CAPN14: variants seen among roughly 807,000 people sequenced by gnomAD.
The protein encoded by CAPN14 is calpain-14.
In CAPN14, 94 loss-of-function variants were observed where a neutral mutation model predicts 101.3. The ratio of observed to expected loss-of-function variants is 0.93; its 90% CI spans 0.79 to 1.10. The LOEUF is 1.10. CAPN14 is among the 50% of genes least tolerant of loss of function. CAPN14 has a pLI of 0.00. For missense variants in CAPN14, 837 were observed against 828.4 expected (o/e 1.01, Z -0.13); for synonymous variants, 338 against 317.9 (o/e 1.06, Z -0.67).
Position 31,201,026 on chromosome 2 carries a change from T to A in CAPN14, c.552-401A>T, listed in dbSNP as rs185909500. On this transcript the variant is annotated intron_variant, in intron 5 of 21. Transcript: ENST00000403897. ...AACACCCTGGACTCAAGAAAAGGCA[T>A]GTGTCCACCACAGGTCCATTTTCTC... Among the ~76,000 whole-genome samples, 6 of 152,258 alleles carry A rather than the reference T, an allele frequency of 3.9e-5. No individual in the cohort carries two copies. In the East Asian group the frequency reaches 1.2e-3, roughly 30 times the overall value.
intron 2 of CAPN14, 70 bp downstream of exon 2, chr2:31,205,153 T>C: frequency 7.4e-7 from 1 of 1,345,482 alleles, no homozygotes; most frequent in Non-Finnish European, 1.0e-6. Flanking sequence ...CTCCCATATA[T>C]CTTAGGCGCA....
chr2:31,206,517 T>G (rs552563861), intron 1 of CAPN14, among the ~76,000 whole-genome samples: 3 of 152,326 alleles, frequency 2.0e-5, no homozygotes, highest in Admixed American at 2.0e-4. Flanking sequence ...CCTCCCAAAG[T>G]GTTGAGAGAT....
At position 31,202,010 on chromosome 2, in the gene CAPN14, G is replaced by C. The variant is rs900757508; in HGVS notation, c.415-12C>G. 19 of 1,551,338 alleles carry C rather than the reference G, an allele frequency of 1.2e-5. No individual in the cohort carries two copies. Among genetic ancestry groups the C allele is most frequent in the Non-Finnish European group, 1.5e-5 (17 of 1,146,788 alleles). On this transcript the variant is annotated splice_polypyrimidine_tract_variant and intron_variant, in intron 4 of 21. Coordinates refer to ENST00000403897, the MANE Select transcript of CAPN14 (RefSeq NM_001145122.2). ...CCATAGTGCCAGAACTGGAGGGAGA[G>C]AGTGGCCCCGGGTGAATGAGGACTG...
rs571119228 is a variant in CAPN14, at chr2:31,174,642, T to C, written c.*39A>G. Reference sequence around the variant, plus strand: ...AGCCAAAGGCTGCTCTTGGGCCACATGCAGAGTCTTCAGTGAGGGCAGGTG... The same window carrying C: ...AGCCAAAGGCTGCTCTTGGGCCACACGCAGAGTCTTCAGTGAGGGCAGGTG... On this transcript the variant is annotated 3_prime_UTR_variant, in exon 22 of 22. Transcript: ENST00000403897. 1 of 1,550,564 alleles carries C rather than the reference T, an allele frequency of 6.4e-7. No individual in the cohort carries two copies. Among genetic ancestry groups the C allele is most frequent in the Non-Finnish European group, 8.7e-7 (1 of 1,146,272 alleles).
intron 19 of CAPN14, among the ~76,000 whole-genome samples, chr2:31,177,537 A>C (rs1680365804): frequency 6.6e-6 from 1 of 152,246 alleles, no homozygotes; most frequent in African/African-American, 2.4e-5. Context: ...AGATTAAATA[A>C]GAAGTTGAAT....
At chr2:31,201,158 CGTAT>C (rs1681750108) in intron 5 of CAPN14, among the ~76,000 whole-genome samples, 3 of 139,518 alleles carry the variant, frequency 2.2e-5, no homozygotes, top group African/African-American at 5.4e-5. Flanking sequence ...TGTGCATGTG[CGTAT>C]GTGTGTGCGT....
At chr2:31,191,724 T>C (rs1325728278) in intron 11 of CAPN14, among the ~76,000 whole-genome samples, 1 of 152,236 alleles carries the variant, frequency 6.6e-6, no homozygotes, top group Non-Finnish European at 1.5e-5. Context: ...ATTCTACCCT[T>C]TGCCTAAATA....
intron 1 of CAPN14, among the ~76,000 whole-genome samples, chr2:31,227,394 CA>C (rs113129454): frequency 0.2 from 31,061 of 152,096 alleles, 3,624 homozygotes; most frequent in East Asian, 0.46. Flanking sequence ...TAGACTCAGA[CA>C]GACCCTCTTT....
Position 31,199,383 on chromosome 2 carries a change from C to A in CAPN14, c.789+87G>T. 3.4e-6 allele frequency: 4 copies of A among 1,167,334 alleles called. No individual in the cohort carries two copies. In the South Asian group the frequency reaches 5.3e-5, roughly 15 times the overall value. The allele number at this position is 1,167,334 out of a possible 1,614,324, so 72.3% of individuals were successfully genotyped here. A position where few individuals can be genotyped will look rare whatever the true frequency, so the allele number is the denominator to read the frequency against. ...GACTTTACCCACTCTCCAGATGGTACAGAAACTAAATCCACCAAGATAAGC... is the reference window on the plus strand; with the variant it reads ...GACTTTACCCACTCTCCAGATGGTAAAGAAACTAAATCCACCAAGATAAGC... On this transcript the variant is annotated intron_variant, in intron 7 of 21. Transcript: ENST00000403897.
Position 31,189,737 on chromosome 2 carries a change from A to G in CAPN14, c.1288-259T>C, listed in dbSNP as rs73921575. The G allele has an allele frequency of 1.4e-3, 816 of 567,388 alleles. 6 individuals carry two copies. The highest frequency in any genetic ancestry group is 0.013 in the African/African-American group (688 of 54,170). The allele number at this position is 567,388 out of a possible 1,614,324, so 35.1% of individuals were successfully genotyped here. On this transcript the variant is annotated intron_variant, in intron 12 of 21. Transcript: ENST00000403897. ...TTTGACTTACCTTAAAAACAACACCAGCACTAAATGATGTGAGGAATGTCC... is the reference window on the plus strand; with the variant it reads ...TTTGACTTACCTTAAAAACAACACCGGCACTAAATGATGTGAGGAATGTCC...
At chr2:31,187,924 C>T (rs548538551) in intron 14 of CAPN14, 110 bp from the exon 15 acceptor site, 1 of 859,624 alleles carries the variant, frequency 1.2e-6, no homozygotes, top group Non-Finnish European at 1.8e-6. Flanking sequence ...ATGAGCTTGA[C>T]TTTGCATCGT....
intron 5 of CAPN14, among the ~76,000 whole-genome samples, chr2:31,201,659 T>C (rs1421718320): frequency 6.6e-6 from 1 of 152,122 alleles, no homozygotes; most frequent in Non-Finnish European, 1.5e-5. Flanking sequence ...TTCTATCCAT[T>C]AGGGAAAGGC....
chr2:31,233,083 G>A (rs1348000874), intron 1 of CAPN14, among the ~76,000 whole-genome samples: 2 of 152,184 alleles, frequency 1.3e-5, no homozygotes, highest in East Asian at 3.9e-4. Context: ...TTAGTATGAT[G>A]CTGGAGATAA....
At chr2:31,222,961 G>A (rs1682903705) in intron 2 of CAPN14, among the ~76,000 whole-genome samples, 1 of 152,174 alleles carries the variant, frequency 6.6e-6, no homozygotes, top group South Asian at 2.1e-4. Flanking sequence ...AGGGACCCCA[G>A]AGAACTCTCC....
At chr2:31,212,429 C>T (rs1369830124) in intron 1 of CAPN14, among the ~76,000 whole-genome samples, 1 of 151,940 alleles carries the variant, frequency 6.6e-6, no homozygotes, top group African/African-American at 2.4e-5. Flanking sequence ...ACCAGGGGAT[C>T]TGTCTGATTC....
At position 31,189,359 on chromosome 2, in the gene CAPN14, C is replaced by T; in HGVS notation, c.1407G>A (p.Gly469=). ...ATATGCAGGGCACGATGAGGTACGTCCCTGGTTCCAGACACAGCTCCTGAC... is the reference window on the plus strand; with the variant it reads ...ATATGCAGGGCACGATGAGGTACGTTCCTGGTTCCAGACACAGCTCCTGAC... The part of the protein sequence containing the change: ...EVSQELCLEP[G]TYLIVPCILE... The change falls in exon 13 of 22, where the codon GGG becomes GGA. Residue 469 remains glycine (G), a synonymous_variant. Coordinates refer to ENST00000403897, the MANE Select transcript of CAPN14 (RefSeq NM_001145122.2). 1 of 1,551,746 alleles carries T rather than the reference C, an allele frequency of 6.4e-7. No homozygotes were observed. Among genetic ancestry groups the T allele is most frequent in the Non-Finnish European group, 8.7e-7 (1 of 1,147,008 alleles).
At chr2:31,177,206 A>G (rs1680348273) in intron 19 of CAPN14, 64 bp from the exon 20 acceptor site, 1 of 1,109,594 alleles carries the variant, frequency 9.0e-7, no homozygotes, top group African/African-American at 1.6e-5. Flanking sequence ...CCTCCTGCTC[A>G]AGGCCCCTTC....
intron 8 of CAPN14, 81 bp downstream of exon 8, chr2:31,197,168 C>T (rs376972475): frequency 5.4e-6 from 5 of 924,284 alleles, no homozygotes; most frequent in Admixed American, 2.1e-5. Flanking sequence ...AGAAAGCACA[C>T]ATTTGAATCT....
intron 1 of CAPN14, among the ~76,000 whole-genome samples, chr2:31,231,895 G>C (rs781571605): frequency 5.3e-5 from 8 of 152,178 alleles, no homozygotes; most frequent in Non-Finnish European, 7.3e-5. Flanking sequence ...CATGCCTTGT[G>C]AGTTGTTAAA....
Sources: allele counts gnomAD v4.1 joint callset (sites outside exome capture counted in the v4.1 genomes callset), GRCh38; gene constraint gnomAD v4.1.1; transcripts MANE v1.5; gene names NCBI Gene and HGNC (gene_info 2026-07-23, HGNC 2026-07-21).